SPAG17: variants seen among roughly 807,000 people sequenced by gnomAD.
SPAG17 encodes sperm-associated antigen 17.
Under a neutral mutation model 273.6 loss-of-function variants are expected in SPAG17, and 169 were observed. The ratio of observed to expected loss-of-function variants is 0.62; its 90% CI spans 0.55 to 0.70. The LOEUF is 0.70. Among genes scored for constraint, SPAG17 ranks in the 30% least tolerant of loss-of-function variants. The pLI, the probability that SPAG17 is intolerant of heterozygous loss-of-function variation, is 0.00. For missense variants in SPAG17, 2,557 were observed against 2,627.8 expected (o/e 0.97, Z 0.59); for synonymous variants, 825 against 873.2 (o/e 0.94, Z 0.97).
At chr1:118,028,580 G>T (rs749924576) in intron 25 of SPAG17, among the ~76,000 whole-genome samples, 186 bp from the exon 26 acceptor site, 2 of 152,196 alleles carry the variant, frequency 1.3e-5, no homozygotes, top group Non-Finnish European at 2.9e-5. Flanking sequence ...TGGCACATAG[G>T]TGAGACAAAT....
intron 1 of SPAG17, among the ~76,000 whole-genome samples, chr1:118,162,499 C>T (rs1313510067): frequency 6.6e-6 from 1 of 152,138 alleles, no homozygotes; most frequent in African/African-American, 2.4e-5. Flanking sequence ...AATCACTTCC[C>T]TTAAACAGCA....
At chr1:118,140,997 T>A (rs1036026873) in intron 3 of SPAG17, among the ~76,000 whole-genome samples, 1 of 152,228 alleles carries the variant, frequency 6.6e-6, no homozygotes, top group Non-Finnish European at 1.5e-5. Context: ...TATTTTCCCT[T>A]GCTCTTTTCA....
intron 15 of SPAG17, among the ~76,000 whole-genome samples, chr1:118,079,170 G>A (rs192531207): frequency 2.7e-3 from 418 of 152,088 alleles, no homozygotes; most frequent in African/African-American, 9.7e-3. Flanking sequence ...TTAGTGTTTG[G>A]TATCAGTTAC....
chr1:117,983,952 G>A, intron 41 of SPAG17, 39 bp from the exon 42 acceptor site: 1 of 1,039,574 alleles, frequency 9.6e-7, no homozygotes. Flanking sequence ...CTTATACATG[G>A]CTGAAATTCA....
At chr1:118,105,169 T>G (rs1033263079) in intron 4 of SPAG17, among the ~76,000 whole-genome samples, 4 of 152,080 alleles carry the variant, frequency 2.6e-5, no homozygotes, top group African/African-American at 9.7e-5. Flanking sequence ...GAGAAAATGT[T>G]TCAATTTTTT....
intron 45 of SPAG17, 35 bp downstream of exon 45, chr1:117,971,828 G>C: frequency 6.4e-7 from 1 of 1,569,024 alleles, no homozygotes; most frequent in Non-Finnish European, 8.7e-7. Context: ...GTAGGGAAAG[G>C]TAACCTGAGC....
chr1:117,987,961 A>C, intron 39 of SPAG17, 80 bp from the exon 40 acceptor site: 5 of 1,518,906 alleles, frequency 3.3e-6, no homozygotes, highest in Non-Finnish European at 3.6e-6. Flanking sequence ...CCTCACCACT[A>C]TATGATGAAT....
intron 1 of SPAG17, among the ~76,000 whole-genome samples, chr1:118,183,105 T>A (rs1453033420): frequency 6.6e-6 from 1 of 152,190 alleles, no homozygotes; most frequent in East Asian, 1.9e-4. Flanking sequence ...TCCAATGAGT[T>A]ACTTCTAAAA....
Position 118,025,260 on chromosome 1 carries a change from T to C in SPAG17, c.3887A>G (p.Tyr1296Cys), listed in dbSNP as rs1369972497. Residue 1296 changes from tyrosine (Y) to cysteine (C), a missense_variant, in exon 27 of 49, where the codon TAT becomes TGT. Physicochemically the swap from Tyr to Cys is radical, Grantham distance 194. Coordinates refer to ENST00000336338, the MANE Select transcript of SPAG17 (RefSeq NM_206996.4). ...VITSQGTVVKYMLDGSTQILF... is the reference protein window; with the variant it reads ...VITSQGTVVKCMLDGSTQILF... ...TACCTGTGTGGATCCATCCAACATA[T>C]ATTTGACAACAGTGCCTTGACTGGT... 2 of 1,613,326 alleles carry C rather than the reference T, an allele frequency of 1.2e-6. No individual in the cohort carries two copies. The highest frequency in any genetic ancestry group is 2.7e-5 in the African/African-American group (2 of 74,804).
intron 1 of SPAG17, among the ~76,000 whole-genome samples, chr1:118,169,802 G>A (rs187566981): frequency 6.6e-6 from 1 of 152,142 alleles, no homozygotes; most frequent in Admixed American, 6.5e-5. Context: ...TAGAAGCTTT[G>A]TTCAAAACTC....
intron 3 of SPAG17, among the ~76,000 whole-genome samples, chr1:118,119,370 A>C (rs1158430698): frequency 6.6e-6 from 1 of 152,124 alleles, no homozygotes; most frequent in Non-Finnish European, 1.5e-5. Flanking sequence ...TATGGGAGTG[A>C]GGTGGCAGAG....
chr1:118,064,427 T>C (rs1323549521), intron 18 of SPAG17, among the ~76,000 whole-genome samples: 3 of 151,606 alleles, frequency 2.0e-5, no homozygotes, highest in African/African-American at 7.3e-5. Context: ...AGAGTTCATG[T>C]CCTTTGTAGG....
At chr1:118,067,068 T>C (rs1239575465) in intron 17 of SPAG17, among the ~76,000 whole-genome samples, 169 bp from the exon 18 acceptor site, 4 of 152,188 alleles carry the variant, frequency 2.6e-5, no homozygotes, top group Non-Finnish European at 1.5e-5. Flanking sequence ...GGTGAGAGCA[T>C]AAATGGTAGC....
intron 24 of SPAG17, chr1:118,036,508 T>G (rs1001294227): frequency 4.7e-6 from 1 of 212,680 alleles, no homozygotes; most frequent in Non-Finnish European, 9.2e-6. Context: ...TATAAGTGAT[T>G]ATATAAAAGA....
At chr1:118,094,186 A>G (rs989921250) in intron 7 of SPAG17, among the ~76,000 whole-genome samples, 4 of 152,226 alleles carry the variant, frequency 2.6e-5, no homozygotes, top group African/African-American at 9.6e-5. Flanking sequence ...AGGCTTCTTC[A>G]GTCAAGCTTC....
In SPAG17 at chr1:118,036,882, T is replaced by C; in HGVS notation, c.3321A>G (p.Glu1107=). Residue 1107 remains glutamate (E), a splice_region_variant and synonymous_variant, in exon 24 of 49, where the codon GAA becomes GAG. Coordinates refer to ENST00000336338, the MANE Select transcript of SPAG17 (RefSeq NM_206996.4). ...AAGCTTTATTCTTTGCATCTGATACTTCTAAAATACAAAATCGAATCAAGA... is the reference window on the plus strand; with the variant it reads ...AAGCTTTATTCTTTGCATCTGATACCTCTAAAATACAAAATCGAATCAAGA... ...EGDEEQSLET[E]VSDAKNKAFS... 6.5e-7 allele frequency: 1 copy of C among 1,543,562 alleles called. No homozygotes were observed. Among genetic ancestry groups the C allele is most frequent in the Non-Finnish European group, 8.8e-7 (1 of 1,138,896 alleles).
chr1:117,992,694 T>C (rs777018761), intron 35 of SPAG17, 46 bp from the exon 36 acceptor site: 2 of 1,436,944 alleles, frequency 1.4e-6, no homozygotes, highest in Non-Finnish European at 9.2e-7. Context: ...AATCAGAATG[T>C]TTTCACATTC....
At chr1:118,118,128 GT>G (rs1443080787) in intron 3 of SPAG17, among the ~76,000 whole-genome samples, 2 of 152,172 alleles carry the variant, frequency 1.3e-5, no homozygotes, top group Non-Finnish European at 2.9e-5. Context: ...TGAAGGACAA[GT>G]TTTTGAGGGA....
Position 118,184,602 on chromosome 1 carries a change from G to C in SPAG17, c.87+469C>G, listed in dbSNP as rs146894000. 6.3e-3 allele frequency among the ~76,000 whole-genome samples: 953 copies of C among 152,192 alleles called. 16 individuals carry two copies. Among genetic ancestry groups the C allele is most frequent in the African/African-American group, 0.022 (914 of 41,516 alleles). On this transcript the variant is annotated intron_variant, in intron 1 of 48. Coordinates refer to ENST00000336338, the MANE Select transcript of SPAG17 (RefSeq NM_206996.4). ...ATCTTTTCCTATCTATACAAGGCTC[G>C]CTTGTACTAAATACAGTGTAATTCT...
Sources: allele counts gnomAD v4.1 joint callset (sites outside exome capture counted in the v4.1 genomes callset), GRCh38; gene constraint gnomAD v4.1.1; transcripts MANE v1.5; gene names NCBI Gene and HGNC (gene_info 2026-07-23, HGNC 2026-07-21).